The following ITSN1 variants were observed in gnomAD, a reference collection of about 807,000 sequenced individuals.
The protein encoded by ITSN1 is intersectin 1, also known as intersectin-1.
A neutral mutation model predicts 239.8 loss-of-function variants in ITSN1; 58 were observed. That is an observed-to-expected ratio of 0.24 (90% CI 0.20 to 0.30). The LOEUF is 0.30. Among genes scored for constraint, ITSN1 ranks in the 10% least tolerant of loss-of-function variants. The pLI is 1.00. For synonymous variants in ITSN1, 780 were observed against 770.8 expected (o/e 1.01, Z -0.20); for missense variants, 1,558 against 2,103.3 (o/e 0.74, Z 5.07).
chr21:33,752,513 A>G (rs1224265979), intron 7 of ITSN1, among the ~76,000 whole-genome samples: 1 of 152,174 alleles, frequency 6.6e-6, no homozygotes, highest in African/African-American at 2.4e-5. Flanking sequence ...ATTACCTTTC[A>G]TATTTTTATT....
At chr21:33,884,613 G>T (rs1258997846) in intron 36 of ITSN1, among the ~76,000 whole-genome samples, 1 of 152,230 alleles carries the variant, frequency 6.6e-6, no homozygotes, top group Admixed American at 6.5e-5. Flanking sequence ...CCCCCAAGGC[G>T]TTTTGGTCTT....
intron 21 of ITSN1, 98 bp downstream of exon 21, chr21:33,811,320 T>C: frequency 2.4e-6 from 3 of 1,229,488 alleles, no homozygotes; most frequent in Non-Finnish European, 3.4e-6. Context: ...GGATTGTCCT[T>C]CTATGTGAGG....
chr21:33,895,114 G>A lies in ITSN1; in HGVS notation c.*6814G>A, dbSNP rs1986627259. 1 of 152,270 alleles carries A rather than the reference G, an allele frequency of 6.6e-6. No individual in the cohort carries two copies. The highest frequency in any genetic ancestry group is 1.5e-5 in the Non-Finnish European group (1 of 68,084). The allele number at this position is 152,270 out of a possible 1,614,324, so 9.4% of individuals were successfully genotyped here. ...AGCTCGCGGCGAGCCTAGGGTTCAA[G>A]CCTAGCGCGCCAGGGGTCTCCAGTG... On this transcript the variant is annotated 3_prime_UTR_variant, in exon 40 of 40. Transcript: ENST00000381318.
intron 5 of ITSN1, among the ~76,000 whole-genome samples, chr21:33,735,921 G>T (rs1056679206): frequency 6.6e-6 from 1 of 152,096 alleles, no homozygotes; most frequent in Non-Finnish European, 1.5e-5. Flanking sequence ...AGGAGAACCT[G>T]GGAGGCAGTG....
intron 33 of ITSN1, among the ~76,000 whole-genome samples, chr21:33,871,440 A>C (rs201538396): frequency 3.3e-5 from 2 of 60,798 alleles, no homozygotes; most frequent in East Asian, 1.5e-3. Context: ...AAAAAAACAA[A>C]AAAAAAAACA....
At chr21:33,753,677 G>A (rs932156668) in intron 7 of ITSN1, among the ~76,000 whole-genome samples, 1 of 146,848 alleles carries the variant, frequency 6.8e-6, no homozygotes, top group Admixed American at 7.0e-5. Context: ...CAAGAGAATT[G>A]CTTGAATCCA....
intron 1 of ITSN1, among the ~76,000 whole-genome samples, chr21:33,642,993 C>T (rs2087545660): frequency 6.7e-6 from 1 of 149,682 alleles, no homozygotes. Context: ...GGCCGCGGGA[C>T]GGGCGTGGGG....
chr21:33,794,432 T>G lies in ITSN1; in HGVS notation c.1916T>G (p.Ile639Ser). The change falls in exon 17 of 40, where the codon ATC becomes AGC. Residue 639 changes from isoleucine to serine, a missense_variant. Ile to Ser is a moderately radical substitution (Grantham distance 142). Transcript: ENST00000381318. ...RLKQKEQERKIIELEKQKEEA... is the reference protein window; with the variant it reads ...RLKQKEQERKSIELEKQKEEA... ...AAACAGAAAGAACAAGAACGAAAGA[T>G]CATAGAATTAGAAAAACAAAAAGAA... 1 of 1,613,446 alleles carries G rather than the reference T, an allele frequency of 6.2e-7. No individual in the cohort carries two copies. Among genetic ancestry groups the G allele is most frequent in the Admixed American group, 1.7e-5 (1 of 59,892 alleles).
At chr21:33,747,995 GTAA>G (rs771253128) in intron 5 of ITSN1, among the ~76,000 whole-genome samples, 33 of 152,052 alleles carry the variant, frequency 2.2e-4, no homozygotes, top group Non-Finnish European at 3.8e-4. Flanking sequence ...ATTGTATAAA[GTAA>G]TAATTATAAC....
In ITSN1 at chr21:33,772,301, G is replaced by A. The variant is rs903875641; in HGVS notation, c.1283G>A (p.Arg428Lys). The change falls in exon 12 of 40, where the codon AGG (arginine) becomes AAG (lysine). Residue 428 changes from arginine (R) to lysine (K), a missense_variant. Arg to Lys is a conservative substitution (Grantham distance 26, BLOSUM62 2). This residue lies in a region of ITSN1 where 982 missense variants were observed against 1,209.9 expected (regional missense o/e 0.81). Coordinates refer to ENST00000381318, the MANE Select transcript of ITSN1 (RefSeq NM_003024.3). ...GAACGGCAGAGAGAGGAGGAGAGGA[G>A]GAAAGAAATTGAGAGGCGAGAGGTA... ...ELERQREEER[R>K]KEIERREAAK... 6.4e-7 allele frequency: 1 copy of A among 1,557,272 alleles called. No homozygotes were observed. The highest frequency in any genetic ancestry group is 1.4e-5 in the African/African-American group (1 of 73,454).
At chr21:33,678,276 A>G (rs1398573077) in intron 1 of ITSN1, among the ~76,000 whole-genome samples, 1 of 152,204 alleles carries the variant, frequency 6.6e-6, no homozygotes, top group Non-Finnish European at 1.5e-5. Context: ...ATCCCCAGGC[A>G]CATGAAGAAG....
At chr21:33,867,537 G>A (rs1425660503) in intron 33 of ITSN1, among the ~76,000 whole-genome samples, 3 of 151,670 alleles carry the variant, frequency 2.0e-5, no homozygotes, top group Non-Finnish European at 2.9e-5. Context: ...ACGGTGGCCC[G>A]CGCCTGTAAT....
chr21:33,758,317 G>A (rs1461383088), intron 8 of ITSN1, among the ~76,000 whole-genome samples: 1 of 152,174 alleles, frequency 6.6e-6, no homozygotes, highest in African/African-American at 2.4e-5. Context: ...GTTTTGCCAT[G>A]TTCCCCAGGC....
chr21:33,898,723 A>T lies in ITSN1; in HGVS notation c.*10423A>T, dbSNP rs528949583. ...TTGAGGGCCTGTGGTCTGAAAAGAC[A>T]TCTGAAGAATGTGTTAGGTTTTCAA... On this transcript the variant is annotated 3_prime_UTR_variant, in exon 40 of 40. Coordinates refer to ENST00000381318, the MANE Select transcript of ITSN1 (RefSeq NM_003024.3). 4.6e-5 allele frequency: 7 copies of T among 152,380 alleles called. No homozygotes were observed. In the South Asian group the frequency reaches 1.4e-3, roughly 32 times the overall value. The allele number at this position is 152,380 out of a possible 1,614,324, so 9.4% of individuals were successfully genotyped here. A position where few individuals can be genotyped will look rare whatever the true frequency, so the allele number is the denominator to read the frequency against.
intron 33 of ITSN1, among the ~76,000 whole-genome samples, chr21:33,869,809 C>T (rs1032338570): frequency 5.3e-5 from 8 of 151,884 alleles, no homozygotes; most frequent in African/African-American, 1.2e-4. Context: ...GTGTTCCTCT[C>T]GGTGGCAGAG....
intron 17 of ITSN1, among the ~76,000 whole-genome samples, chr21:33,795,468 C>G (rs747065453): frequency 6.6e-6 from 1 of 152,044 alleles, no homozygotes; most frequent in Non-Finnish European, 1.5e-5. Flanking sequence ...ATTAAAAAGG[C>G]GAAGAAACGG....
Position 33,883,686 on chromosome 21 carries a change from C to T in ITSN1, c.4676+15C>T, listed in dbSNP as rs376362657. ...ATAAATGAAAGGTGAGACCTGCCGC[C>T]TCCCCAGCATGGGCCCCAGGGCTCC... On this transcript the variant is annotated intron_variant, in intron 36 of 39. Coordinates refer to ENST00000381318, the MANE Select transcript of ITSN1 (RefSeq NM_003024.3). The T allele has an allele frequency of 3.1e-6, 5 of 1,611,358 alleles. No homozygotes were observed. The African/African-American group carries it at 5.3e-5, about 17-fold the overall frequency.
intron 29 of ITSN1, among the ~76,000 whole-genome samples, chr21:33,854,997 C>T (rs1569305785): frequency 1.3e-5 from 2 of 152,162 alleles, no homozygotes; most frequent in Non-Finnish European, 2.9e-5. Context: ...CGGACAAAAC[C>T]AAGGGCTGGA....
At chr21:33,807,272 A>G (rs924465063) in intron 20 of ITSN1, among the ~76,000 whole-genome samples, 17 of 152,080 alleles carry the variant, frequency 1.1e-4, no homozygotes, top group East Asian at 7.7e-4. Context: ...CAGGCTTTCT[A>G]TCACATCTGA....
Sources: allele counts gnomAD v4.1 joint callset (sites outside exome capture counted in the v4.1 genomes callset), GRCh38; gene constraint gnomAD v4.1.1; regional missense constraint gnomAD v4.1.1; transcripts MANE v1.5; gene names NCBI Gene and HGNC (gene_info 2026-07-23, HGNC 2026-07-21).